Variants in LOC400499 observed in about 807,000 individuals in gnomAD.
chr16:11,491,053 G>A, the LOC400499 span, among the ~76,000 whole-genome samples: 4 of 152,126 alleles, frequency 2.6e-5, no homozygotes, highest in African/African-American at 9.7e-5. Context: ...CTCATTTTAT[G>A]CTCACAACAC....
chr16:11,483,389 G>A, the LOC400499 span, among the ~76,000 whole-genome samples: 1 of 152,054 alleles, frequency 6.6e-6, no homozygotes, highest in Non-Finnish European at 1.5e-5. Flanking sequence ...GCCAAACCCT[G>A]GAAACAGCTC....
At chr16:11,473,837 G>A in the LOC400499 span, among the ~76,000 whole-genome samples, 1 of 152,030 alleles carries the variant, frequency 6.6e-6, no homozygotes, top group Non-Finnish European at 1.5e-5. Flanking sequence ...GGGCCAGATT[G>A]TTTGTTTGTT....
chr16:11,455,741 G>GAAA, the LOC400499 span, among the ~76,000 whole-genome samples: 2 of 131,748 alleles, frequency 1.5e-5, no homozygotes, highest in Admixed American at 7.8e-5. Flanking sequence ...TCTCAAAAAA[G>GAAA]AAAAAAAAAA....
chr16:11,424,169 G>T, the LOC400499 span: 1 of 399,386 alleles, frequency 2.5e-6, no homozygotes, highest in Admixed American at 4.4e-5. Context: ...GGCTGGGCAT[G>T]GTGTGGGTGT....
At chr16:11,376,641 T>C in the LOC400499 span, among the ~76,000 whole-genome samples, 1 of 152,202 alleles carries the variant, frequency 6.6e-6, no homozygotes, top group Non-Finnish European at 1.5e-5. Context: ...CCAAATTTGT[T>C]CTTTGTTTTC....
the LOC400499 span, among the ~76,000 whole-genome samples, chr16:11,427,674 A>C: frequency 6.6e-6 from 1 of 151,968 alleles, no homozygotes; most frequent in Non-Finnish European, 1.5e-5. Flanking sequence ...TGAAACTCCC[A>C]GGCTCAAGCA....
the LOC400499 span, among the ~76,000 whole-genome samples, chr16:11,452,427 C>T: frequency 6.6e-6 from 1 of 152,132 alleles, no homozygotes; most frequent in Non-Finnish European, 1.5e-5. Flanking sequence ...GGAGGAAAGG[C>T]AGGAAACAGA....
chr16:11,434,175 C>A, the LOC400499 span, among the ~76,000 whole-genome samples: 1 of 152,170 alleles, frequency 6.6e-6, no homozygotes, highest in Non-Finnish European at 1.5e-5. Context: ...AACCTAGGTT[C>A]TTCCACCGTT....
the LOC400499 span, among the ~76,000 whole-genome samples, chr16:11,468,502 G>C: frequency 1.3e-5 from 2 of 152,208 alleles, no homozygotes; most frequent in Non-Finnish European, 2.9e-5. Flanking sequence ...ATTTTTTAAT[G>C]TTTTGTAGAC....
chr16:11,423,431 C>G, the LOC400499 span, among the ~76,000 whole-genome samples: 1 of 152,248 alleles, frequency 6.6e-6, no homozygotes, highest in African/African-American at 2.4e-5. Context: ...GCATCATCAT[C>G]AAATGAAGGT....
the LOC400499 span, among the ~76,000 whole-genome samples, chr16:11,468,331 T>C: frequency 6.6e-6 from 1 of 152,182 alleles, no homozygotes; most frequent in Non-Finnish European, 1.5e-5. Flanking sequence ...TATTCTGAAT[T>C]CTTTTTTTGA....
the LOC400499 span, among the ~76,000 whole-genome samples, chr16:11,463,408 G>C: frequency 2.0e-5 from 3 of 149,626 alleles, no homozygotes; most frequent in Non-Finnish European, 4.5e-5. Context: ...GTGTGTGGAT[G>C]TGTGTACAGA....
chr16:11,510,080 G>A, the LOC400499 span, among the ~76,000 whole-genome samples: 6 of 151,574 alleles, frequency 4.0e-5, no homozygotes, highest in Admixed American at 3.9e-4. Context: ...GATGGGTGAT[G>A]GCAGAAACTG....
chr16:11,382,758 C>T, the LOC400499 span, among the ~76,000 whole-genome samples: 5 of 152,004 alleles, frequency 3.3e-5, no homozygotes, highest in Admixed American at 1.3e-4. Flanking sequence ...TGCAGTGAGC[C>T]GAGATTGTGC....
the LOC400499 span, among the ~76,000 whole-genome samples, chr16:11,524,526 T>C: frequency 6.6e-6 from 1 of 151,942 alleles, no homozygotes. Flanking sequence ...AAATGAGTAA[T>C]GAATGGAACA....
At chr16:11,447,437 G>C in the LOC400499 span, among the ~76,000 whole-genome samples, 24 of 152,246 alleles carry the variant, frequency 1.6e-4, no homozygotes, top group African/African-American at 5.5e-4. Flanking sequence ...AGAGCACTTG[G>C]TCCATAGTAT....
the LOC400499 span, among the ~76,000 whole-genome samples, chr16:11,427,799 G>A: frequency 2.0e-5 from 3 of 152,150 alleles, no homozygotes; most frequent in Admixed American, 6.6e-5. Context: ...ACGAAGAAAG[G>A]GAAGGAGACT....
At chr16:11,460,128 C>T in the LOC400499 span, 1 of 1,232,228 alleles carries the variant, frequency 8.1e-7, no homozygotes, top group Admixed American at 3.7e-5. Flanking sequence ...TCATAGCCAC[C>T]CACTCCAGGG....
chr16:11,495,698 T>TA, the LOC400499 span, among the ~76,000 whole-genome samples: 3 of 152,176 alleles, frequency 2.0e-5, no homozygotes, highest in East Asian at 5.8e-4. Context: ...CAAATCTTAG[T>TA]AAACAAACTG....
Sources: allele counts gnomAD v4.1 joint callset (sites outside exome capture counted in the v4.1 genomes callset), GRCh38; gene constraint gnomAD v4.1.1; transcripts MANE v1.5.